PRELID2: variants seen among roughly 807,000 people sequenced by gnomAD.
The protein encoded by PRELID2 is PRELI domain containing 2.
A neutral mutation model predicts 28.4 loss-of-function variants in PRELID2; 25 were observed. The observed-to-expected ratio is 0.88, with a 90% CI of 0.64 to 1.23. The LOEUF (loss-of-function observed/expected upper bound fraction) is 1.23. Among genes scored for constraint, PRELID2 ranks in the 50% most tolerant of loss-of-function variants. PRELID2 has a pLI of 0.00. For synonymous variants in PRELID2, 76 were observed against 71.6 expected (o/e 1.06, Z -0.31); for missense variants, 201 against 214.4 (o/e 0.94, Z 0.39).
At chr5:145,628,385 G>A (rs147901073) in intron 1 of PRELID2, among the ~76,000 whole-genome samples, 13 of 152,100 alleles carry the variant, frequency 8.5e-5, no homozygotes, top group South Asian at 4.2e-4. Context: ...GTGCAGTGGC[G>A]CCATCTCAGT....
intron 1 of PRELID2, among the ~76,000 whole-genome samples, chr5:145,738,453 A>G (rs1756557846): frequency 6.6e-6 from 1 of 152,168 alleles, no homozygotes; most frequent in Admixed American, 6.6e-5. Context: ...CACACTTGAA[A>G]CCAATGAAAG....
chr5:145,287,843 C>T, the PRELID2 span, among the ~76,000 whole-genome samples: 2 of 152,118 alleles, frequency 1.3e-5, no homozygotes, highest in Non-Finnish European at 2.9e-5. Context: ...GTCATAATGT[C>T]TCCTTAGCTG....
the PRELID2 span, among the ~76,000 whole-genome samples, chr5:145,425,390 C>G: frequency 1.3e-5 from 2 of 152,328 alleles, no homozygotes; most frequent in South Asian, 4.1e-4. Flanking sequence ...TTTGCCCCAA[C>G]AATCCCATGA....
At chr5:145,230,448 G>T in the PRELID2 span, among the ~76,000 whole-genome samples, 1 of 151,990 alleles carries the variant, frequency 6.6e-6, no homozygotes, top group Non-Finnish European at 1.5e-5. Flanking sequence ...GTATGGTGGT[G>T]CACGCCTGTA....
chr5:145,317,533 CTTTG>C, the PRELID2 span, among the ~76,000 whole-genome samples: 95 of 152,286 alleles, frequency 6.2e-4, no homozygotes, highest in African/African-American at 2.2e-3. Flanking sequence ...CCCTTGAAAT[CTTTG>C]TTTACCAGTC....
chr5:145,571,146 C>T (rs59634074), intron 1 of PRELID2, among the ~76,000 whole-genome samples: 12,764 of 152,168 alleles, frequency 0.084, 1,369 homozygotes, highest in African/African-American at 0.25. Flanking sequence ...CAGCTTAATT[C>T]CCCAGGTTCA....
chr5:145,635,680 T>C (rs1354724757), intron 1 of PRELID2, among the ~76,000 whole-genome samples: 1 of 152,226 alleles, frequency 6.6e-6, no homozygotes, highest in African/African-American at 2.4e-5. Flanking sequence ...GTTTGCATCA[T>C]TTCAACAGCA....
At chr5:145,624,929 C>T (rs1384638065) in intron 1 of PRELID2, among the ~76,000 whole-genome samples, 1 of 151,992 alleles carries the variant, frequency 6.6e-6, no homozygotes, top group African/African-American at 2.4e-5. Context: ...CAAAATATAT[C>T]AATAGTAATT....
intron 1 of PRELID2, among the ~76,000 whole-genome samples, chr5:145,539,869 TATGATTGGA>T (rs1752731862): frequency 6.6e-6 from 1 of 151,856 alleles, no homozygotes; most frequent in Admixed American, 6.6e-5. Flanking sequence ...TTTTACAAGG[TATGATTGGA>T]ACTATGAAAA....
At chr5:145,415,725 G>A in the PRELID2 span, among the ~76,000 whole-genome samples, 27 of 151,612 alleles carry the variant, frequency 1.8e-4, no homozygotes, top group African/African-American at 5.8e-4. Flanking sequence ...ATTGTGAATA[G>A]TGCCACAATA....
intron 1 of PRELID2, among the ~76,000 whole-genome samples, chr5:145,740,814 A>G (rs1455854945): frequency 1.7e-5 from 2 of 116,122 alleles, no homozygotes; most frequent in East Asian, 4.9e-4. Context: ...TATATACATT[A>G]TACATATATA....
At chr5:145,319,455 G>C in the PRELID2 span, among the ~76,000 whole-genome samples, 1 of 152,152 alleles carries the variant, frequency 6.6e-6, no homozygotes, top group South Asian at 2.1e-4. Context: ...GATTGCCTGA[G>C]GTCAGGAGTT....
chr5:145,741,357 A>G (rs1374674071), intron 1 of PRELID2, among the ~76,000 whole-genome samples: 2 of 116,728 alleles, frequency 1.7e-5, no homozygotes, highest in Non-Finnish European at 3.2e-5. Context: ...ATTAATAAAT[A>G]ATTTATTTAT....
intron 1 of PRELID2, among the ~76,000 whole-genome samples, chr5:145,654,034 C>A (rs1244124768): frequency 2.0e-5 from 3 of 151,904 alleles, no homozygotes; most frequent in Non-Finnish European, 4.4e-5. Flanking sequence ...AGAGAAGAAT[C>A]AAACAGATGC....
chr5:145,688,284 T>C (rs1347116892), intron 1 of PRELID2, among the ~76,000 whole-genome samples: 1 of 152,220 alleles, frequency 6.6e-6, no homozygotes, highest in Non-Finnish European at 1.5e-5. Context: ...TTTCACAACA[T>C]TAACTTGTCC....
chr5:145,326,586 TTAAC>T, the PRELID2 span, among the ~76,000 whole-genome samples: 1 of 152,186 alleles, frequency 6.6e-6, no homozygotes, highest in African/African-American at 2.4e-5. Flanking sequence ...TAGGTATAGA[TTAAC>T]TGAACATAAT....
chr5:145,397,263 A>G, the PRELID2 span, among the ~76,000 whole-genome samples: 1 of 152,288 alleles, frequency 6.6e-6, no homozygotes, highest in East Asian at 1.9e-4. Context: ...CATTTCAGGT[A>G]GAATTAGGGA....
downstream of PRELID2, among the ~76,000 whole-genome samples, chr5:145,467,337 C>G (rs772135991): frequency 2.0e-5 from 3 of 152,080 alleles, no homozygotes; most frequent in African/African-American, 7.2e-5. Context: ...GTTTTCTGGG[C>G]CCTTCACAAG....
intron 1 of PRELID2, among the ~76,000 whole-genome samples, chr5:145,686,071 C>G (rs554481359): frequency 6.6e-6 from 1 of 152,266 alleles, no homozygotes; most frequent in East Asian, 1.9e-4. Context: ...TTCTCTTCTG[C>G]CTTTGTTATT....
Sources: gnomAD v4.1 joint callset for allele counts (sites outside exome capture counted in the v4.1 genomes callset) on GRCh38, gnomAD v4.1.1 for gene constraint, MANE v1.5 for transcripts, NCBI Gene and HGNC (gene_info 2026-07-23, HGNC 2026-07-21) for gene names.